The following HAND2 variants were observed in gnomAD, a reference collection of about 807,000 sequenced individuals.
The protein encoded by HAND2 is heart and neural crest derivatives expressed 2.
HAND2 carries 2 observed loss-of-function variants against 14.7 expected under a neutral mutation model. That is an observed-to-expected ratio of 0.14 (90% CI 0.06 to 0.43). HAND2 has a LOEUF of 0.43. HAND2 is among the 20% of genes least tolerant of loss of function. The probability of loss-of-function intolerance (pLI) is 0.99; values close to 1 mark genes in which losing one functional copy is unlikely to be tolerated. For synonymous variants in HAND2, 162 were observed against 135.9 expected (o/e 1.19, Z -1.34); for missense variants, 275 against 313.6 (o/e 0.88, Z 0.93).
In HAND2 at chr4:173,527,310, C is replaced by T. The variant is rs75005999; in HGVS notation, c.621G>A (p.Pro207=). ...TGAGCTCCAGGGCCCAGACGTGCTG[C>T]GGCCAGCCCGTCCGGCCTTTGGTTT... ...DKKTKGRTGW[P]QHVWALELKQ Residue 207 remains proline (P), a synonymous_variant, in exon 2 of 2, where the codon CCG becomes CCA. Transcript: ENST00000359562. The T allele has an allele frequency of 2.4e-5, 38 of 1,612,884 alleles. No individual in the cohort carries two copies. The highest frequency in any genetic ancestry group is 3.1e-5 in the Non-Finnish European group (36 of 1,179,390).
In HAND2 at chr4:173,529,853, C is replaced by G. The variant is rs995565389; in HGVS notation, c.-564G>C. On this transcript the variant is annotated 5_prime_UTR_variant, in exon 1 of 2. Coordinates refer to ENST00000359562, the MANE Select transcript of HAND2 (RefSeq NM_021973.3). Reference sequence around the variant, plus strand: ...CAAAGCTACCTCCGTGCGACCCTCCCCTTCCCGCCTCTTCCCCTCCCCCCA... The same window carrying G: ...CAAAGCTACCTCCGTGCGACCCTCCGCTTCCCGCCTCTTCCCCTCCCCCCA... 9 of 152,160 alleles carry G rather than the reference C, an allele frequency of 5.9e-5. No homozygotes were observed. The highest frequency in any genetic ancestry group is 5.2e-4 in the Admixed American group (8 of 15,272). The allele number at this position is 152,160 out of a possible 1,614,324, so 9.4% of individuals were successfully genotyped here.
chr4:173,529,071 G>A lies in HAND2; in HGVS notation c.219C>T (p.Ala73=). The change falls in exon 1 of 2, where the codon GCC becomes GCT. Residue 73 remains alanine, a synonymous_variant. Coordinates refer to ENST00000359562, the MANE Select transcript of HAND2 (RefSeq NM_021973.3). The part of the protein sequence containing the change: ...SYSPEYASGA[A]GLDHSHYGGV... ...CCCCGTAATGGGAGTGGTCCAGGCC[G>A]GCGGCGCCGCTGGCATACTCGGGGC... is the stretch of plus-strand genomic sequence containing the variant. 6.6e-7 allele frequency: 1 copy of A among 1,504,064 alleles called. No individual in the cohort carries two copies. The highest frequency in any genetic ancestry group is 8.8e-7 in the Non-Finnish European group (1 of 1,137,746). 93.2% of individuals were successfully genotyped at this position (1,504,064 alleles called of 1,614,324 possible).
chr4:173,527,276 C>G lies in HAND2; in HGVS notation c.*1G>C. On this transcript the variant is annotated 3_prime_UTR_variant, in exon 2 of 2. Transcript: ENST00000359562. ...TCTCCTCCTCCTCCTTCTCCTCCTC[C>G]TCACTGCTTGAGCTCCAGGGCCCAG... 6.2e-7 allele frequency: 1 copy of G among 1,608,078 alleles called. No homozygotes were observed. Among genetic ancestry groups the G allele is most frequent in the Non-Finnish European group, 8.5e-7 (1 of 1,176,280 alleles).
Position 173,529,032 on chromosome 4 carries a change from G to C in HAND2, c.258C>G (p.Gly86=). ...GCCCCCCCAGGCCCGGGGGCCCGGC[G>C]CCCGGCGGCACCCCCCCGTAATGGG... ...DHSHYGGVPP[G]AGPPGLGGPR... Residue 86 remains glycine, a synonymous_variant, in exon 1 of 2, where the codon GGC becomes GGG. Coordinates refer to ENST00000359562, the MANE Select transcript of HAND2 (RefSeq NM_021973.3). 6 of 1,503,970 alleles carry C rather than the reference G, an allele frequency of 4.0e-6. No individual in the cohort carries two copies. Among genetic ancestry groups the C allele is most frequent in the Non-Finnish European group, 5.3e-6 (6 of 1,135,192 alleles). The allele number at this position is 1,503,970 out of a possible 1,614,324, so 93.2% of individuals were successfully genotyped here.
intron 1 of HAND2, chr4:173,527,986 G>T: frequency 6.5e-6 from 1 of 154,652 alleles, no homozygotes; most frequent in Non-Finnish European, 1.4e-5. Flanking sequence ...GTGGGCACTT[G>T]GTAGGAATCT....
Position 173,529,038 on chromosome 4 carries a change from C to G in HAND2, c.252G>C (p.Pro84=). The change falls in exon 1 of 2, where the codon CCG becomes CCC. Residue 84 remains proline, a synonymous_variant. Coordinates refer to ENST00000359562, the MANE Select transcript of HAND2 (RefSeq NM_021973.3). ...GLDHSHYGGV[P]PGAGPPGLGG... is the part of the protein sequence containing the mutation. Reference sequence around the variant, plus strand: ...CCAGGCCCGGGGGCCCGGCGCCCGGCGGCACCCCCCCGTAATGGGAGTGGT... The same window carrying G: ...CCAGGCCCGGGGGCCCGGCGCCCGGGGGCACCCCCCCGTAATGGGAGTGGT... 1 of 1,498,310 alleles carries G rather than the reference C, an allele frequency of 6.7e-7. No homozygotes were observed. Among genetic ancestry groups the G allele is most frequent in the Non-Finnish European group, 8.8e-7 (1 of 1,132,746 alleles). 92.8% of individuals were successfully genotyped at this position (1,498,310 alleles called of 1,614,324 possible). A position where few individuals can be genotyped will look rare whatever the true frequency, so the allele number is the denominator to read the frequency against.
At position 173,526,963 on chromosome 4, in the gene HAND2, A is replaced by G. The variant is rs1206732338; in HGVS notation, c.*314T>C. The stretch of plus-strand genomic sequence containing the variant: ...GGCAACGCTGGTGTCTACACAGCCA[A>G]GAGGGAACATTCACGCACACAGAAT... On this transcript the variant is annotated 3_prime_UTR_variant, in exon 2 of 2. Transcript: ENST00000359562. 7.1e-6 allele frequency: 4 copies of G among 563,938 alleles called. No homozygotes were observed. The highest frequency in any genetic ancestry group is 6.1e-5 in the South Asian group (4 of 65,502). The allele number at this position is 563,938 out of a possible 1,614,324, so 34.9% of individuals were successfully genotyped here.
In HAND2 at chr4:173,529,086, A is replaced by G. The variant is rs969896742; in HGVS notation, c.204T>C (p.Tyr68=). ...YSMALSYSPE[Y]ASGAAGLDHS... is the part of the protein sequence containing the mutation. Reference sequence around the variant, plus strand: ...GGTCCAGGCCGGCGGCGCCGCTGGCATACTCGGGGCTGTAGGACAGGGCCA... The same window carrying G: ...GGTCCAGGCCGGCGGCGCCGCTGGCGTACTCGGGGCTGTAGGACAGGGCCA... The change falls in exon 1 of 2, where the codon TAT becomes TAC. Residue 68 remains tyrosine (Y), a synonymous_variant. Transcript: ENST00000359562. 4.6e-6 allele frequency: 7 copies of G among 1,508,350 alleles called. No individual in the cohort carries two copies. The highest frequency in any genetic ancestry group is 2.9e-5 in the African/African-American group (2 of 68,086). The allele number at this position is 1,508,350 out of a possible 1,614,324, so 93.4% of individuals were successfully genotyped here.
chr4:173,529,185 G>A lies in HAND2; in HGVS notation c.105C>T (p.Cys35=), dbSNP rs1731611305. The A allele has an allele frequency of 2.1e-6, 3 of 1,445,772 alleles. No homozygotes were observed. Among genetic ancestry groups the A allele is most frequent in the East Asian group, 2.7e-5 (1 of 36,514 alleles). 89.6% of individuals were successfully genotyped at this position (1,445,772 alleles called of 1,614,324 possible). A position where few individuals can be genotyped will look rare whatever the true frequency, so the allele number is the denominator to read the frequency against. Residue 35 remains cysteine (C), a synonymous_variant, in exon 1 of 2, where the codon TGC becomes TGT. Coordinates refer to ENST00000359562, the MANE Select transcript of HAND2 (RefSeq NM_021973.3). ...GGAAGTAGGGGTTCTCCTCATGGCT[G>A]CAGCGGCTGGCGGCGGCGGCGGCAG... ...AAAAAAAASR[C]SHEENPYFHG...
At chr4:173,527,596 C>T in intron 1 of HAND2, 5 of 581,412 alleles carry the variant, frequency 8.6e-6, no homozygotes, top group Non-Finnish European at 1.5e-5. Flanking sequence ...CAACCGGATC[C>T]ACAAGTTTAT....
rs1731619203 is a variant in HAND2, at chr4:173,529,310, A to T, written c.-21T>A. On this transcript the variant is annotated 5_prime_UTR_variant, in exon 1 of 2. Coordinates refer to ENST00000359562, the MANE Select transcript of HAND2 (RefSeq NM_021973.3). ...CTCATTTCGCCCTCCGCGCCCCTCC[A>T]CGCGCCCCAGCGTGCGCGCAGCCCC... 7.7e-7 allele frequency: 1 copy of T among 1,290,326 alleles called. No homozygotes were observed. The highest frequency in any genetic ancestry group is 1.6e-5 in the African/African-American group (1 of 62,878). 79.9% of individuals were successfully genotyped at this position (1,290,326 alleles called of 1,614,324 possible).
In HAND2 at chr4:173,529,170, G is replaced by T. The variant is rs1731610053; in HGVS notation, c.120C>A (p.Asn40Lys). The T allele has an allele frequency of 2.0e-6, 3 of 1,473,088 alleles. No individual in the cohort carries two copies. The highest frequency in any genetic ancestry group is 1.5e-5 in the South Asian group (1 of 67,654). The allele number at this position is 1,473,088 out of a possible 1,614,324, so 91.3% of individuals were successfully genotyped here. Reference sequence around the variant, plus strand: ...CGATGAGCCAGCCATGGAAGTAGGGGTTCTCCTCATGGCTGCAGCGGCTGG... The same window carrying T: ...CGATGAGCCAGCCATGGAAGTAGGGTTTCTCCTCATGGCTGCAGCGGCTGG... ...AAASRCSHEE[N>K]PYFHGWLIGH... Residue 40 changes from asparagine to lysine, a missense_variant, in exon 1 of 2, where the codon AAC (asparagine) becomes AAA (lysine). Physicochemically the swap from Asn to Lys is moderately conservative, Grantham distance 94. This residue lies in a region of HAND2 where 175 missense variants were observed against 157.1 expected (regional missense o/e 1.11). Coordinates refer to ENST00000359562, the MANE Select transcript of HAND2 (RefSeq NM_021973.3).
intron 1 of HAND2, chr4:173,527,780 G>T (rs768486666): frequency 1.0e-5 from 2 of 196,584 alleles, no homozygotes; most frequent in Non-Finnish European, 2.1e-5. Context: ...TTCGGCCTGG[G>T]CCTCTCGGCC....
Position 173,528,876 on chromosome 4 carries a change from G to T in HAND2, c.414C>A (p.Ile138=), listed in dbSNP as rs1433078954. The T allele has an allele frequency of 6.2e-7, 1 of 1,614,184 alleles. No individual in the cohort carries two copies. Among genetic ancestry groups the T allele is most frequent in the Non-Finnish European group, 8.5e-7 (1 of 1,180,028 alleles). ...AGCTGGTGGCCAGGCGCAGGGTCTT[G>T]ATTTTGGAGAGTTTGGTGTCGGCGG... ...NVPADTKLSK[I]KTLRLATSYI... Residue 138 remains isoleucine, a synonymous_variant, in exon 1 of 2, where the codon ATC becomes ATA. Coordinates refer to ENST00000359562, the MANE Select transcript of HAND2 (RefSeq NM_021973.3). This position sits in a 1 kb window ranked among gnomAD's most constrained non-coding sequence, Gnocchi z 5.6.
At position 173,528,900 on chromosome 4, in the gene HAND2, G is replaced by A; in HGVS notation, c.390C>T (p.Pro130=). The A allele has an allele frequency of 6.2e-7, 1 of 1,614,130 alleles. No individual in the cohort carries two copies. The highest frequency in any genetic ancestry group is 8.5e-7 in the Non-Finnish European group (1 of 1,180,000). Residue 130 remains proline, a synonymous_variant, in exon 1 of 2, where the codon CCC becomes CCT. Transcript: ENST00000359562. The surrounding 1 kb of genome is among the most constrained non-coding windows in gnomAD (Gnocchi z 5.6). ...TGATTTTGGAGAGTTTGGTGTCGGC[G>A]GGTACGTTGGGGATGCACTCGCGCA... ...AELRECIPNV[P]ADTKLSKIKT...
At position 173,529,795 on chromosome 4, in the gene HAND2, G is replaced by A. The variant is rs1412578346; in HGVS notation, c.-506C>T. On this transcript the variant is annotated 5_prime_UTR_variant, in exon 1 of 2. Transcript: ENST00000359562. ...CGCGGCTGGAGGAGCCGGTCCAGCT[G>A]TGCCGGGGGGCGGCGGGGTCGACTG... The A allele has an allele frequency of 1.3e-5, 2 of 152,120 alleles. No homozygotes were observed. Among genetic ancestry groups the A allele is most frequent in the Admixed American group, 1.3e-4 (2 of 15,274 alleles). 9.4% of individuals were successfully genotyped at this position (152,120 alleles called of 1,614,324 possible).
Position 173,527,388 on chromosome 4 carries a change from A to G in HAND2, c.556-13T>C. The stretch of plus-strand genomic sequence containing the variant: ...TCAAGATTTCGTTCTGGACAGAGGA[A>G]AGGCGAGGGCGAGAAAAGTGGAAAG... On this transcript the variant is annotated splice_polypyrimidine_tract_variant and intron_variant, in intron 1 of 1. Coordinates refer to ENST00000359562, the MANE Select transcript of HAND2 (RefSeq NM_021973.3). The G allele has an allele frequency of 1.9e-6, 3 of 1,585,828 alleles. No individual in the cohort carries two copies. The highest frequency in any genetic ancestry group is 1.7e-4 in the Middle Eastern group (1 of 6,002).
chr4:173,528,648 C>A lies in HAND2; in HGVS notation c.555+87G>T. 1.4e-6 allele frequency: 2 copies of A among 1,481,408 alleles called. No individual in the cohort carries two copies. The highest frequency in any genetic ancestry group is 1.8e-6 in the Non-Finnish European group (2 of 1,091,780). The allele number at this position is 1,481,408 out of a possible 1,614,324, so 91.8% of individuals were successfully genotyped here. A position where few individuals can be genotyped will look rare whatever the true frequency, so the allele number is the denominator to read the frequency against. On this transcript the variant is annotated intron_variant, in intron 1 of 1. Transcript: ENST00000359562. This position sits in a 1 kb window ranked among gnomAD's most constrained non-coding sequence, Gnocchi z 5.6. ...GGACGCAGCCAAAGAACACGAGATG[C>A]CATTTCTCAGCCCAATTGGAAAGAG...
chr4:173,528,369 A>T lies in HAND2; in HGVS notation c.555+366T>A. ...TATTCTGGAAACATCTGAAAGCAAG[A>T]TTGGATTGGAGGCCAAAAGAAGGGT... On this transcript the variant is annotated intron_variant, in intron 1 of 1. Transcript: ENST00000359562. The surrounding 1 kb of genome is among the most constrained non-coding windows in gnomAD (Gnocchi z 5.6). 1 of 248,174 alleles carries T rather than the reference A, an allele frequency of 4.0e-6. No homozygotes were observed. The highest frequency in any genetic ancestry group is 7.8e-6 in the Non-Finnish European group (1 of 127,706). 15.4% of individuals were successfully genotyped at this position (248,174 alleles called of 1,614,324 possible).
Sources: gnomAD v4.1 joint callset for allele counts on GRCh38, gnomAD v4.1.1 for gene constraint, gnomAD v4.1.1 regional missense constraint, Gnocchi (gnomAD v3.1) non-coding constraint, MANE v1.5 for transcripts, NCBI Gene and HGNC (gene_info 2026-07-23, HGNC 2026-07-21) for gene names.